The following TAFA2 variants were observed in gnomAD, a reference collection of about 807,000 sequenced individuals.
TAFA2 encodes the protein chemokine-like protein TAFA-2.
TAFA2 carries 7 observed loss-of-function variants against 18.8 expected under a neutral mutation model. The observed-to-expected ratio is 0.37, with a 90% CI of 0.21 to 0.70. TAFA2 has a LOEUF of 0.70. TAFA2 is among the 30% of genes least tolerant of loss of function. The pLI, the probability that TAFA2 is intolerant of heterozygous loss-of-function variation, is 0.53. For synonymous variants in TAFA2, 60 were observed against 54.2 expected, an observed-to-expected ratio of 1.11 and a Z score of -0.47; for missense variants, 122 against 158.1, an observed-to-expected ratio of 0.77 and a Z score of 1.23.
chr12:62,153,670 A>AT (rs1041903764), intron 1 of TAFA2, among the ~76,000 whole-genome samples: 2 of 149,282 alleles, frequency 1.3e-5, no homozygotes, highest in African/African-American at 4.9e-5. Context: ...CCTTGTCTCA[A>AT]AAAAAAAAAG....
At chr12:61,910,804 A>G (rs1311802128) in intron 1 of TAFA2, among the ~76,000 whole-genome samples, 2 of 152,190 alleles carry the variant, frequency 1.3e-5, no homozygotes, top group Non-Finnish European at 2.9e-5. Context: ...TATTCTAATT[A>G]ATTAGTATCC....
At chr12:62,167,266 G>C (rs1202261111) in intron 1 of TAFA2, among the ~76,000 whole-genome samples, 1 of 152,066 alleles carries the variant, frequency 6.6e-6, no homozygotes, top group Non-Finnish European at 1.5e-5. Context: ...AATATGTCTT[G>C]TTTTCAACGT....
chr12:61,717,066 T>C (rs909928768), intron 4 of TAFA2, among the ~76,000 whole-genome samples: 4 of 152,256 alleles, frequency 2.6e-5, no homozygotes, highest in Non-Finnish European at 4.4e-5. Flanking sequence ...ATTTTTTTAA[T>C]GTAGCTCTTA....
At chr12:62,152,262 A>G (rs1033639623) in intron 1 of TAFA2, among the ~76,000 whole-genome samples, 3 of 152,210 alleles carry the variant, frequency 2.0e-5, no homozygotes, top group Non-Finnish European at 4.4e-5. Flanking sequence ...TTTAAAATGA[A>G]TATGATTTTC....
chr12:62,096,573 C>A (rs1868960393), intron 1 of TAFA2, among the ~76,000 whole-genome samples: 1 of 152,120 alleles, frequency 6.6e-6, no homozygotes, highest in South Asian at 2.1e-4. Context: ...CTATTTGAGT[C>A]TCCCCTTTTC....
intron 4 of TAFA2, among the ~76,000 whole-genome samples, chr12:61,716,306 G>C (rs1433593754): frequency 6.6e-6 from 1 of 152,036 alleles, no homozygotes; most frequent in African/African-American, 2.4e-5. Flanking sequence ...GCTACCATCA[G>C]ACTTTGCAGA....
chr12:62,205,066 A>G (rs1291166357), intron 1 of TAFA2, among the ~76,000 whole-genome samples: 3 of 152,038 alleles, frequency 2.0e-5, no homozygotes, highest in African/African-American at 7.2e-5. Flanking sequence ...TTTTCTTTTA[A>G]CAGTCAGGCC....
At position 61,729,072 on chromosome 12, in the gene TAFA2, A is replaced by G. The variant is rs559522069; in HGVS notation, c.385-18655T>C. On this transcript the variant is annotated intron_variant, in intron 4 of 4. Transcript: ENST00000416284. ...TTAAGAAGGCTAAAAATAGCACCCC[A>G]ATCTCTTCTAGCTTGTATAGTTTCT... 2.0e-5 allele frequency among the ~76,000 whole-genome samples: 3 copies of G among 151,960 alleles called. No homozygotes were observed. The East Asian group carries it at 5.8e-4, about 30-fold the overall frequency.
chr12:61,937,620 T>G (rs978757966), intron 1 of TAFA2, among the ~76,000 whole-genome samples: 1 of 152,190 alleles, frequency 6.6e-6, no homozygotes, highest in Non-Finnish European at 1.5e-5. Context: ...AGAATGAACC[T>G]GGATCCCTAT....
At position 61,733,486 on chromosome 12, in the gene TAFA2, CA is replaced by C. The variant is rs1868255798; in HGVS notation, c.384+20135del. Among the ~76,000 whole-genome samples, 3 of 151,598 alleles carry C rather than the reference CA, an allele frequency of 2.0e-5. No homozygotes were observed. The South Asian group carries it at 6.3e-4, about 32-fold the overall frequency. On this transcript the variant is annotated intron_variant, in intron 4 of 4. Coordinates refer to ENST00000416284, the MANE Select transcript of TAFA2 (RefSeq NM_178539.5). ...GAAGGGATCCAGTTTCAGCTTTCTACATATGGCTAGCCAGTTTTCCCAGCAC... is the reference window on the plus strand; with the variant it reads ...GAAGGGATCCAGTTTCAGCTTTCTACTATGGCTAGCCAGTTTTCCCAGCAC...
intron 4 of TAFA2, among the ~76,000 whole-genome samples, chr12:61,750,523 C>T (rs1199215013): frequency 6.6e-6 from 1 of 151,988 alleles, no homozygotes; most frequent in Non-Finnish European, 1.5e-5. Flanking sequence ...TTCCAGAATC[C>T]GATAGAAAAA....
intron 1 of TAFA2, among the ~76,000 whole-genome samples, chr12:61,888,349 G>T (rs1048158113): frequency 6.6e-6 from 1 of 152,194 alleles, no homozygotes; most frequent in Non-Finnish European, 1.5e-5. Flanking sequence ...GAGCCAGGAG[G>T]ATCCATGTTT....
chr12:61,931,941 A>G (rs577806360), intron 1 of TAFA2, among the ~76,000 whole-genome samples: 1 of 152,288 alleles, frequency 6.6e-6, no homozygotes, highest in South Asian at 2.1e-4. Flanking sequence ...TACGTCATCA[A>G]TGTTTTTATC....
intron 1 of TAFA2, among the ~76,000 whole-genome samples, chr12:62,200,930 C>T (rs995497132): frequency 5.3e-5 from 8 of 152,012 alleles, no homozygotes; most frequent in Admixed American, 3.3e-4. Flanking sequence ...AGCAGTGGTT[C>T]GTAGTTCTCC....
intron 1 of TAFA2, among the ~76,000 whole-genome samples, chr12:62,022,945 T>C (rs1338178704): frequency 6.6e-6 from 1 of 152,180 alleles, no homozygotes; most frequent in East Asian, 1.9e-4. Flanking sequence ...AGTCACTGTT[T>C]CCCCCTCTGC....
rs1283610757 is a variant in TAFA2 at position 62,007,483 on chromosome 12, T to C, written c.-1-140057A>G. ...TCACAGTGACTGGAAGAGAACCTAG[T>C]TCATAGTAGGTCATAAATATTTGAT... On this transcript the variant is annotated intron_variant, in intron 1 of 4. Transcript: ENST00000416284. Among the ~76,000 whole-genome samples the C allele has an allele frequency of 2.6e-5, 4 of 152,208 alleles. No individual in the cohort carries two copies. In the South Asian group the frequency reaches 6.2e-4, roughly 24 times the overall value.
chr12:62,146,272 T>G (rs940785461), intron 1 of TAFA2, among the ~76,000 whole-genome samples: 3 of 140,154 alleles, frequency 2.1e-5, no homozygotes, highest in African/African-American at 7.8e-5. Context: ...CAAAGCTTTC[T>G]CCCCTTTGCT....
intron 1 of TAFA2, among the ~76,000 whole-genome samples, chr12:61,936,615 C>A (rs1420295869): frequency 6.6e-6 from 1 of 151,090 alleles, no homozygotes; most frequent in Non-Finnish European, 1.5e-5. Flanking sequence ...TAAATAAATC[C>A]AGCATCCCTT....
At chr12:62,094,105 A>G (rs976240353) in intron 1 of TAFA2, among the ~76,000 whole-genome samples, 2 of 152,092 alleles carry the variant, frequency 1.3e-5, no homozygotes, top group African/African-American at 4.8e-5. Flanking sequence ...TTAGGTACCT[A>G]AGACACTAGA....
Sources: gnomAD v4.1 joint callset for allele counts (sites outside exome capture counted in the v4.1 genomes callset) on GRCh38, gnomAD v4.1.1 for gene constraint, MANE v1.5 for transcripts, NCBI Gene and HGNC (gene_info 2026-07-23, HGNC 2026-07-21) for gene names.